SV2B: variants seen among roughly 807,000 people sequenced by gnomAD.
SV2B encodes synaptic vesicle glycoprotein 2B.
In SV2B, 41 loss-of-function variants were observed where a neutral mutation model predicts 73.9. The ratio of observed to expected loss-of-function variants is 0.56; its 90% CI spans 0.43 to 0.72. The LOEUF (loss-of-function observed/expected upper bound fraction) is 0.72, where lower values mean the gene tolerates loss of function less well. SV2B is among the 30% of genes least tolerant of loss of function. The pLI, the probability that SV2B is intolerant of heterozygous loss-of-function variation, is 0.00. For missense variants in SV2B, 764 were observed against 857.8 expected (o/e 0.89, Z 1.37); for synonymous variants, 314 against 314.2 (o/e 1.00, Z 0.01).
At chr15:91,131,927 C>T (rs543271006) in intron 1 of SV2B, among the ~76,000 whole-genome samples, 1 of 152,278 alleles carries the variant, frequency 6.6e-6, no homozygotes, top group South Asian at 2.1e-4. Context: ...TGTGCCACTG[C>T]ACTCCAGCCT....
chr15:91,111,611 G>A (rs1487095714), intron 1 of SV2B, among the ~76,000 whole-genome samples: 2 of 152,192 alleles, frequency 1.3e-5, no homozygotes, highest in African/African-American at 2.4e-5. Flanking sequence ...AATGGTTTCA[G>A]GAGAAGCATG....
chr15:91,210,047 C>G (rs1261216777), intron 1 of SV2B, among the ~76,000 whole-genome samples: 1 of 151,964 alleles, frequency 6.6e-6, no homozygotes, highest in Non-Finnish European at 1.5e-5. Flanking sequence ...TGGAGTGGGG[C>G]TTGTGAGTGT....
Position 91,296,027 on chromosome 15 carries a change from C to T in SV2B, c.*3475C>T, listed in dbSNP as rs2049209499. ...CTGTGGATTTCCAAATGTGGTGGCT[C>T]CCTCTTATTTTTTTTTCTTTGAGGA... On this transcript the variant is annotated 3_prime_UTR_variant, in exon 13 of 13. Coordinates refer to ENST00000394232, the MANE Select transcript of SV2B (RefSeq NM_001323032.3). 2.0e-5 allele frequency: 3 copies of T among 152,140 alleles called. No homozygotes were observed. The South Asian group carries it at 6.2e-4, about 32-fold the overall frequency. The allele number at this position is 152,140 out of a possible 1,614,324, so 9.4% of individuals were successfully genotyped here.
intron 1 of SV2B, among the ~76,000 whole-genome samples, chr15:91,177,005 TA>T (rs1306570502): frequency 2.0e-5 from 3 of 151,966 alleles, no homozygotes. Flanking sequence ...GGTTTTCTTC[TA>T]GGGTTTTTAT....
At position 91,261,726 on chromosome 15, in the gene SV2B, C is replaced by T. The variant is rs1321563241; in HGVS notation, c.1008+1317C>T. On this transcript the variant is annotated intron_variant, in intron 6 of 12. Coordinates refer to ENST00000394232, the MANE Select transcript of SV2B (RefSeq NM_001323032.3). The surrounding 1 kb of genome is among the most constrained non-coding windows in gnomAD (Gnocchi z 4.7). ...ACCCATTTCTTTACACCCTTACCAT[C>T]AGTGGCTATTAGTCTGAATTTTGTT... Among the ~76,000 whole-genome samples the T allele has an allele frequency of 6.6e-6, 1 of 152,220 alleles. No individual in the cohort carries two copies. Among genetic ancestry groups the T allele is most frequent in the Non-Finnish European group, 1.5e-5 (1 of 68,038 alleles).
At position 91,227,571 on chromosome 15, in the gene SV2B, A is replaced by G. The variant is rs2046425385; in HGVS notation, c.451+857A>G. On this transcript the variant is annotated intron_variant, in intron 2 of 12. Coordinates refer to ENST00000394232, the MANE Select transcript of SV2B (RefSeq NM_001323032.3). This position sits in a 1 kb window ranked among gnomAD's most constrained non-coding sequence, Gnocchi z 4.5. ...AGTTATGAGAACTAACTATAAGTCA[A>G]ATTCTCATTCAAGACCAGGACATGC... is the stretch of plus-strand genomic sequence containing the variant. Among the ~76,000 whole-genome samples the G allele has an allele frequency of 6.6e-6, 1 of 152,216 alleles. No homozygotes were observed. The highest frequency in any genetic ancestry group is 2.1e-4 in the South Asian group (1 of 4,826).
intron 1 of SV2B, among the ~76,000 whole-genome samples, chr15:91,184,557 C>T (rs986438144): frequency 6.6e-6 from 1 of 152,178 alleles, no homozygotes; most frequent in African/African-American, 2.4e-5. Context: ...CCTCTGCTGC[C>T]TTTCGACTCA....
In SV2B at chr15:91,124,635, C is replaced by T. The variant is rs2042425489; in HGVS notation, c.-392+24272C>T. Among the ~76,000 whole-genome samples the T allele has an allele frequency of 1.3e-5, 2 of 152,182 alleles. No individual in the cohort carries two copies. The highest frequency in any genetic ancestry group is 4.1e-4 in the South Asian group (2 of 4,822). On this transcript the variant is annotated intron_variant, in intron 1 of 12. Coordinates refer to ENST00000394232, the MANE Select transcript of SV2B (RefSeq NM_001323032.3). The surrounding 1 kb of genome is among the most constrained non-coding windows in gnomAD (Gnocchi z 4.6). Reference sequence around the variant, plus strand: ...ACCATGGAACGGGTGATCTAAACAACAGAAATTTCTTTCTTTCAACAAAAA... The same window carrying T: ...ACCATGGAACGGGTGATCTAAACAATAGAAATTTCTTTCTTTCAACAAAAA...
chr15:91,206,043 GTTGT>G (rs1452286052), intron 1 of SV2B, among the ~76,000 whole-genome samples: 1 of 151,666 alleles, frequency 6.6e-6, no homozygotes, highest in Non-Finnish European at 1.5e-5. Flanking sequence ...GTTGTGGGTG[GTTGT>G]TTGTTTTTGA....
intron 1 of SV2B, among the ~76,000 whole-genome samples, chr15:91,111,377 C>T (rs979210432): frequency 1.4e-4 from 22 of 152,324 alleles, no homozygotes; most frequent in South Asian, 1.2e-3. Context: ...CAAAGAGCCC[C>T]AGAGCCTGTC....
At chr15:91,167,049 G>A (rs1464690489) in intron 1 of SV2B, among the ~76,000 whole-genome samples, 3 of 152,068 alleles carry the variant, frequency 2.0e-5, no homozygotes, top group African/African-American at 4.8e-5. Flanking sequence ...TCCTGACCTC[G>A]TGATCCGCCT....
chr15:91,210,720 T>C (rs1038039547), intron 1 of SV2B, among the ~76,000 whole-genome samples: 1 of 152,218 alleles, frequency 6.6e-6, no homozygotes, highest in South Asian at 2.1e-4. Flanking sequence ...ATTGGAGCAA[T>C]GCATCTCCTC....
At position 91,106,530 on chromosome 15, in the gene SV2B, C is replaced by T. The variant is rs2041887906; in HGVS notation, c.-392+6167C>T. ...GTTATTTCCTTTCTTTACAAGGTCT[C>T]ATGGGAGCCTTATTGTGGATCTTAT... On this transcript the variant is annotated intron_variant, in intron 1 of 12. Coordinates refer to ENST00000394232, the MANE Select transcript of SV2B (RefSeq NM_001323032.3). The surrounding 1 kb of genome is among the most constrained non-coding windows in gnomAD (Gnocchi z 4.4). Among the ~76,000 whole-genome samples the T allele has an allele frequency of 2.0e-5, 3 of 152,140 alleles. No individual in the cohort carries two copies. Among genetic ancestry groups the T allele is most frequent in the Admixed American group, 1.3e-4 (2 of 15,276 alleles).
In SV2B at chr15:91,290,873, G is replaced by A. The variant is rs113702047; in HGVS notation, c.1868+1193G>A. On this transcript the variant is annotated intron_variant, in intron 12 of 12. Transcript: ENST00000394232. This position sits in a 1 kb window ranked among gnomAD's most constrained non-coding sequence, Gnocchi z 4.7. ...CAGAATATATTAGACAATTAGCCAG[G>A]CATAGTGGCATGTGCCTGTAGTCCT... Among the ~76,000 whole-genome samples the A allele has an allele frequency of 2.6e-5, 4 of 151,974 alleles. No homozygotes were observed. Among genetic ancestry groups the A allele is most frequent in the African/African-American group, 9.7e-5 (4 of 41,380 alleles).
rs2141147568 is a variant in SV2B, at chr15:91,129,620, A to G, written c.-392+29257A>G. Among the ~76,000 whole-genome samples the G allele has an allele frequency of 6.6e-6, 1 of 152,318 alleles. No homozygotes were observed. The highest frequency in any genetic ancestry group is 1.9e-4 in the East Asian group (1 of 5,168). ...TAGGACTGCATCTGGTTGCCTCCAGATGGCTTTAGGGGCCATGCAGAGGGC... is the reference window on the plus strand; with the variant it reads ...TAGGACTGCATCTGGTTGCCTCCAGGTGGCTTTAGGGGCCATGCAGAGGGC... On this transcript the variant is annotated intron_variant, in intron 1 of 12. Transcript: ENST00000394232. This position sits in a 1 kb window ranked among gnomAD's most constrained non-coding sequence, Gnocchi z 5.1.
chr15:91,247,918 G>T (rs2047306607), intron 2 of SV2B, among the ~76,000 whole-genome samples: 1 of 152,116 alleles, frequency 6.6e-6, no homozygotes, highest in South Asian at 2.1e-4. Context: ...CAAACTGGTA[G>T]GTTAGAAGCC....
At chr15:91,185,020 C>G (rs540753019) in intron 1 of SV2B, among the ~76,000 whole-genome samples, 52 of 152,184 alleles carry the variant, frequency 3.4e-4, no homozygotes, top group Admixed American at 1.4e-3. Context: ...ATTCTGTCAC[C>G]GGAACTTTCT....
At position 91,291,377 on chromosome 15, in the gene SV2B, A is replaced by G. The variant is rs372769540; in HGVS notation, c.1869-992A>G. Among the ~76,000 whole-genome samples the G allele has an allele frequency of 1.1e-4, 17 of 152,312 alleles. 1 individual carries two copies. The South Asian group carries it at 2.1e-3, about 19-fold the overall frequency. ...TAAAGCTACAGTGTGGTACAGTTAT[A>G]GACAAAAATGAAAGAAGAGTTTTAA... On this transcript the variant is annotated intron_variant, in intron 12 of 12. Transcript: ENST00000394232.
At position 91,266,610 on chromosome 15, in the gene SV2B, T is replaced by C; in HGVS notation, c.1037T>C (p.Met346Thr). The change falls in exon 7 of 13, where the codon ATG becomes ACG. Residue 346 changes from methionine (M) to threonine (T), a missense_variant. By Grantham distance (81) the Met-to-Thr change is moderately conservative. Transcript: ENST00000394232. ...TCCAACATCAAAACTCCCAAGCAAA[T>C]GGATGAATTCATTGAGATCCAAAGT... ...TVSNIKTPKQ[M>T]DEFIEIQSST... The C allele has an allele frequency of 1.9e-6, 3 of 1,614,126 alleles. No homozygotes were observed. Among genetic ancestry groups the C allele is most frequent in the African/African-American group, 1.3e-5 (1 of 75,040 alleles).
Sources: allele counts gnomAD v4.1 joint callset (sites outside exome capture counted in the v4.1 genomes callset), GRCh38; gene constraint gnomAD v4.1.1; non-coding constraint Gnocchi (gnomAD v3.1); transcripts MANE v1.5; gene names NCBI Gene and HGNC (gene_info 2026-07-23, HGNC 2026-07-21).